The following NUGGC variants were observed in gnomAD, a reference collection of about 807,000 sequenced individuals.
The protein encoded by NUGGC is nuclear GTPase, germinal center associated.
A neutral mutation model predicts 92.6 loss-of-function variants in NUGGC; 58 were observed. That is an observed-to-expected ratio of 0.63 (90% CI 0.51 to 0.78). The LOEUF (loss-of-function observed/expected upper bound fraction) is 0.78, where lower values mean the gene tolerates loss of function less well. Among genes scored for constraint, NUGGC ranks in the 30% least tolerant of loss-of-function variants. NUGGC has a pLI of 0.00. For missense variants in NUGGC, 925 were observed against 964.6 expected (o/e 0.96, Z 0.54); for synonymous variants, 376 against 366.4 (o/e 1.03, Z -0.30).
chr8:28,054,302 T>C (rs1248221583), intron 10 of NUGGC, among the ~76,000 whole-genome samples: 1 of 151,908 alleles, frequency 6.6e-6, no homozygotes, highest in African/African-American at 2.4e-5. Flanking sequence ...GCTAACATGG[T>C]GAAACCTCAT....
intron 4 of NUGGC, among the ~76,000 whole-genome samples, chr8:28,069,313 T>C (rs1458736209): frequency 6.6e-6 from 1 of 152,150 alleles, no homozygotes; most frequent in Admixed American, 6.5e-5. Context: ...GCTCCTACTT[T>C]ATAGGAGTGT....
intron 13 of NUGGC, 148 bp from the exon 14 acceptor site, chr8:28,033,845 AG>A (rs1809485860): frequency 2.5e-6 from 2 of 790,250 alleles, no homozygotes; most frequent in South Asian, 3.4e-5. Flanking sequence ...TTAAACTAAA[AG>A]AGGGAGGACA....
intron 6 of NUGGC, 103 bp downstream of exon 6, chr8:28,067,411 A>G: frequency 1.4e-6 from 1 of 736,400 alleles, no homozygotes; most frequent in South Asian, 1.8e-5. Flanking sequence ...CTTATTTCTT[A>G]TTTCACACAA....
chr8:28,072,988 C>G (rs1563232104), intron 2 of NUGGC, among the ~76,000 whole-genome samples: 2 of 147,512 alleles, frequency 1.4e-5, no homozygotes, highest in Non-Finnish European at 3.0e-5. Flanking sequence ...GATGCGGTTT[C>G]ATTGTTGACT....
At chr8:28,059,623 T>G (rs1810241278) in intron 8 of NUGGC, among the ~76,000 whole-genome samples, 1 of 152,228 alleles carries the variant, frequency 6.6e-6, no homozygotes, top group East Asian at 1.9e-4. Context: ...TGTTTACCTG[T>G]GTAACAAACC....
At chr8:28,068,177 G>T in intron 5 of NUGGC, 39 bp downstream of exon 5, 1 of 1,249,886 alleles carries the variant, frequency 8.0e-7, no homozygotes, top group Non-Finnish European at 1.1e-6. Context: ...AAGGAAAAAG[G>T]AAGGAAGGGA....
At chr8:28,058,764 A>G (rs57154737) in intron 8 of NUGGC, among the ~76,000 whole-genome samples, 6 of 151,024 alleles carry the variant, frequency 4.0e-5, no homozygotes, top group East Asian at 1.9e-4. Flanking sequence ...GTGCAGTGGT[A>G]CGATCTCAGC....
intron 1 of NUGGC, among the ~76,000 whole-genome samples, chr8:28,079,572 C>G (rs1228372463): frequency 2.0e-5 from 3 of 152,162 alleles, no homozygotes; most frequent in African/African-American, 7.2e-5. Context: ...TTCTACAGAT[C>G]CAGACCCTGA....
rs745566401 is a variant in NUGGC at position 28,068,435 on chromosome 8, A to G, written c.261T>C (p.Asn87=). ...GCTTTTCAATCAAGGCAAGAAGCCTATTTCTGGATGAATTTTAAAATGCAC... is the reference window on the plus strand; with the variant it reads ...GCTTTTCAATCAAGGCAAGAAGCCTGTTTCTGGATGAATTTTAAAATGCAC... ...SIPNGVKYLI[N]RLLALIEKPT... The change falls in exon 5 of 19, where the codon AAT becomes AAC. Residue 87 remains asparagine (N), a synonymous_variant. Transcript: ENST00000413272. 1.9e-6 allele frequency: 3 copies of G among 1,554,842 alleles called. No individual in the cohort carries two copies. Among genetic ancestry groups the G allele is most frequent in the African/African-American group, 2.7e-5 (2 of 73,582 alleles).
chr8:28,049,901 C>T (rs1809945350), intron 10 of NUGGC, among the ~76,000 whole-genome samples: 1 of 152,096 alleles, frequency 6.6e-6, no homozygotes, highest in Non-Finnish European at 1.5e-5. Context: ...GCCTAGCCAA[C>T]ATGGTGAAAC....
In NUGGC at chr8:28,041,198, CAT is replaced by C. The variant is rs778059832; in HGVS notation, c.1462_1463del (p.Met488GlufsTer12). 3 of 1,610,716 alleles carry C rather than the reference CAT, an allele frequency of 1.9e-6. No homozygotes were observed. The highest frequency in any genetic ancestry group is 2.7e-5 in the African/African-American group (2 of 74,894). On this transcript the variant is annotated frameshift_variant, in exon 13 of 19. Coordinates refer to ENST00000413272, the MANE Select transcript of NUGGC (RefSeq NM_001010906.2). LOFTEE classifies it high-confidence loss of function. ...TQNLPNEHLH[M>X]SVLRRFAEEK... ...CTTCCGCAAATCTCCGCAGGACACTCATGTGCAAGTGTTCATTCTAGGGACAA... is the reference window on the plus strand; with the variant it reads ...CTTCCGCAAATCTCCGCAGGACACTCGTGCAAGTGTTCATTCTAGGGACAA...
At chr8:28,072,524 G>A (rs1298739022) in intron 2 of NUGGC, among the ~76,000 whole-genome samples, 1 of 152,168 alleles carries the variant, frequency 6.6e-6, no homozygotes, top group African/African-American at 2.4e-5. Flanking sequence ...TTAGCCATGT[G>A]TATAAAACAA....
In NUGGC at chr8:28,042,618, T is replaced by TCTCCTGC. The variant is rs147101000; in HGVS notation, c.1447-1410_1447-1404dup. Among the ~76,000 whole-genome samples the TCTCCTGC allele has an allele frequency of 2.6e-4, 40 of 152,270 alleles. No homozygotes were observed. In the East Asian group the frequency reaches 6.6e-3, roughly 25 times the overall value. ...TCCCACAGTCCTGCACCACAGCACG[T>TCTCCTGC]CTCCTGCCTCCTGCCGTATGACATC... On this transcript the variant is annotated intron_variant, in intron 12 of 18. Coordinates refer to ENST00000413272, the MANE Select transcript of NUGGC (RefSeq NM_001010906.2).
At chr8:28,072,456 G>C (rs949279570) in intron 2 of NUGGC, among the ~76,000 whole-genome samples, 2 of 152,160 alleles carry the variant, frequency 1.3e-5, no homozygotes, top group East Asian at 3.9e-4. Flanking sequence ...AGAGTGGAAA[G>C]GGATGTAGAC....
chr8:28,069,486 T>C (rs563376077), intron 4 of NUGGC, 58 bp downstream of exon 4: 2 of 840,092 alleles, frequency 2.4e-6, no homozygotes, highest in Admixed American at 1.9e-5. Context: ...AAAGCACCTA[T>C]AATCGCCTAA....
rs1809868048 is a variant in NUGGC at position 28,047,437 on chromosome 8, G to A, written c.1312+70C>T. On this transcript the variant is annotated intron_variant, in intron 11 of 18. Transcript: ENST00000413272. ...TTTGTGTGGCACAAAAAGTTCTAGA[G>A]CAGGAAATTCGAAGTGCCAAGCTTG... The A allele has an allele frequency of 9.2e-6, 9 of 973,760 alleles. No homozygotes were observed. The South Asian group carries it at 1.1e-4, about 12-fold the overall frequency. The allele number at this position is 973,760 out of a possible 1,614,324, so 60.3% of individuals were successfully genotyped here. A position where few individuals can be genotyped will look rare whatever the true frequency, so the allele number is the denominator to read the frequency against.
chr8:28,040,791 C>T (rs928109734), intron 13 of NUGGC, among the ~76,000 whole-genome samples: 2 of 152,010 alleles, frequency 1.3e-5, no homozygotes, highest in African/African-American at 4.8e-5. Flanking sequence ...GGATGACAGG[C>T]ACACGCCACC....
intron 2 of NUGGC, among the ~76,000 whole-genome samples, chr8:28,073,795 T>A (rs762341003): frequency 6.6e-6 from 1 of 152,062 alleles, no homozygotes; most frequent in Non-Finnish European, 1.5e-5. Context: ...CCAAGCTGAC[T>A]TTCTGGAACA....
At chr8:28,082,994 A>T (rs1810886761) in intron 1 of NUGGC, among the ~76,000 whole-genome samples, 1 of 152,210 alleles carries the variant, frequency 6.6e-6, no homozygotes, top group African/African-American at 2.4e-5. Context: ...TAAGAAAATC[A>T]AAGGAGAGAG....
Sources: gnomAD v4.1 joint callset for allele counts (sites outside exome capture counted in the v4.1 genomes callset) on GRCh38, gnomAD v4.1.1 for gene constraint, MANE v1.5 for transcripts, NCBI Gene and HGNC (gene_info 2026-07-23, HGNC 2026-07-21) for gene names.